The following EYA2 variants were observed in gnomAD, a reference collection of about 807,000 sequenced individuals.
EYA2 encodes the protein protein phosphatase EYA2.
Under a neutral mutation model 69.2 loss-of-function variants are expected in EYA2, and 31 were observed. The ratio of observed to expected loss-of-function variants is 0.45; its 90% CI spans 0.34 to 0.60. The LOEUF is 0.60. EYA2 is among the 20% of genes least tolerant of loss of function. The pLI, the probability that EYA2 is intolerant of heterozygous loss-of-function variation, is 0.02. For missense variants in EYA2, 622 were observed against 701.2 expected, an observed-to-expected ratio of 0.89 and a Z score of 1.28; for synonymous variants, 257 against 279.4, an observed-to-expected ratio of 0.92 and a Z score of 0.80.
At chr20:47,137,250 A>C (rs74434933) in intron 9 of EYA2, among the ~76,000 whole-genome samples, 90 of 152,302 alleles carry the variant, frequency 5.9e-4, no homozygotes, top group African/African-American at 2.1e-3. Context: ...GGTTTCATGT[A>C]AGTGGCATGT....
At chr20:46,971,797 G>A (rs1980163184) in intron 1 of EYA2, among the ~76,000 whole-genome samples, 1 of 152,172 alleles carries the variant, frequency 6.6e-6, no homozygotes, top group Non-Finnish European at 1.5e-5. Flanking sequence ...CTGATAAGTG[G>A]TGCATGCATG....
chr20:47,124,608 A>G (rs1202826243), intron 9 of EYA2, among the ~76,000 whole-genome samples: 1 of 152,086 alleles, frequency 6.6e-6, no homozygotes, highest in African/African-American at 2.4e-5. Flanking sequence ...CCATGTCACC[A>G]CATGCCCCTC....
intron 5 of EYA2, among the ~76,000 whole-genome samples, chr20:47,070,853 T>C (rs1568758900): frequency 1.3e-5 from 2 of 152,222 alleles, no homozygotes; most frequent in Non-Finnish European, 2.9e-5. Flanking sequence ...TTTTATTTTA[T>C]TTACTGTTTT....
At chr20:47,176,896 A>G (rs993126425) in intron 12 of EYA2, among the ~76,000 whole-genome samples, 2 of 151,524 alleles carry the variant, frequency 1.3e-5, no homozygotes, top group African/African-American at 2.4e-5. Flanking sequence ...AGTTCAAGCA[A>G]TTCTCCTGCC....
rs147501198 is a variant in EYA2, at chr20:47,005,209, A to G, written c.298+125A>G. The G allele has an allele frequency of 5.1e-3, 5,648 of 1,100,290 alleles. 24 individuals are homozygous for G. The highest frequency in any genetic ancestry group is 8.7e-3 in the South Asian group (502 of 57,846). 68.2% of individuals were successfully genotyped at this position (1,100,290 alleles called of 1,614,324 possible). ...CCAAGCTGATTTTGGATTAGAGATA[A>G]AGGGAAAAGAGTAACACTTTAAATA... On this transcript the variant is annotated intron_variant, in intron 4 of 15. Transcript: ENST00000327619.
chr20:47,183,674 G>A (rs2034581616), intron 15 of EYA2, among the ~76,000 whole-genome samples: 2 of 152,210 alleles, frequency 1.3e-5, no homozygotes, highest in Non-Finnish European at 2.9e-5. Flanking sequence ...AGGGCAGGCT[G>A]GTGGGGGGCC....
At chr20:47,110,561 C>A (rs1388517579) in intron 9 of EYA2, among the ~76,000 whole-genome samples, 1 of 152,184 alleles carries the variant, frequency 6.6e-6, no homozygotes, top group African/African-American at 2.4e-5. Context: ...CCCTAGTGAT[C>A]CATGTGACTG....
rs116467038 is a variant in EYA2 at position 47,171,697 on chromosome 20, T to C, written c.1038-1010T>C. On this transcript the variant is annotated intron_variant, in intron 11 of 15. Coordinates refer to ENST00000327619, the MANE Select transcript of EYA2 (RefSeq NM_005244.5). ...CTCTTAACAGATCCTCTGTCCATCC[T>C]GGACACTGGTTCCTGCCCTCCCCAA... 5.9e-3 allele frequency among the ~76,000 whole-genome samples: 902 copies of C among 152,290 alleles called. 16 individuals are homozygous for C. The highest frequency in any genetic ancestry group is 0.021 in the African/African-American group (856 of 41,558).
intron 1 of EYA2, among the ~76,000 whole-genome samples, chr20:46,917,494 TGACCACTGGCCCATTGCAAAATGAG>T (rs1984963623): frequency 6.6e-6 from 1 of 152,224 alleles, no homozygotes; most frequent in Non-Finnish European, 1.5e-5. Context: ...AGACAGACTA[TGACCACTGGCCCATTGCAAAATGAG>T]GAAAGCGAAG....
In EYA2 at chr20:47,080,972, A is replaced by G. The variant is rs561412319; in HGVS notation, c.661+6637A>G. Among the ~76,000 whole-genome samples the G allele has an allele frequency of 2.7e-4, 41 of 152,122 alleles. No individual in the cohort carries two copies. In the South Asian group the frequency reaches 6.4e-3, roughly 24 times the overall value. ...AACCTCGAACTCCTGGGCTCAAGCA[A>G]TCCTCCCTCAGCCTCTCAAGTAGTT... On this transcript the variant is annotated intron_variant, in intron 7 of 15. Coordinates refer to ENST00000327619, the MANE Select transcript of EYA2 (RefSeq NM_005244.5).
At chr20:46,926,024 C>G (rs1296433549) in intron 1 of EYA2, among the ~76,000 whole-genome samples, 1 of 152,036 alleles carries the variant, frequency 6.6e-6, no homozygotes, top group African/African-American at 2.4e-5. Flanking sequence ...GATAAAAACC[C>G]CTGGAAAAAT....
intron 4 of EYA2, among the ~76,000 whole-genome samples, chr20:47,015,596 A>G (rs1168298382): frequency 6.6e-6 from 1 of 152,202 alleles, no homozygotes; most frequent in Non-Finnish European, 1.5e-5. Flanking sequence ...GCTGGCAGGT[A>G]GCATGAAGCT....
intron 10 of EYA2, among the ~76,000 whole-genome samples, chr20:47,158,344 C>T (rs1426291917): frequency 6.6e-6 from 1 of 151,832 alleles, no homozygotes. Flanking sequence ...GATGAAACCC[C>T]ATCTCTACTA....
rs192479865 is a variant in EYA2 at position 47,156,165 on chromosome 20, T to C, written c.979-12974T>C. ...ATATATATATATATATATATATATA[T>C]ATATATATATATATATATATTAGCC... is the stretch of plus-strand genomic sequence containing the variant. On this transcript the variant is annotated intron_variant, in intron 10 of 15. Transcript: ENST00000327619. 1.8e-3 allele frequency among the ~76,000 whole-genome samples: 69 copies of C among 38,510 alleles called. 4 individuals are homozygous for C. The highest frequency in any genetic ancestry group is 8.2e-3 in the South Asian group (9 of 1,102). 25.3% of individuals were successfully genotyped at this position (38,510 alleles called of 152,430 possible).
intron 2 of EYA2, among the ~76,000 whole-genome samples, chr20:46,991,281 CAG>C (rs1491338226): frequency 6.6e-6 from 1 of 152,226 alleles, no homozygotes; most frequent in Non-Finnish European, 1.5e-5. Flanking sequence ...ATAGGCTGCT[CAG>C]GGGGGAATCC....
chr20:46,964,430 G>A (rs928883222), intron 1 of EYA2, among the ~76,000 whole-genome samples: 1 of 152,178 alleles, frequency 6.6e-6, no homozygotes, highest in African/African-American at 2.4e-5. Context: ...GTAGCACCTG[G>A]CACACAGAGG....
intron 1 of EYA2, among the ~76,000 whole-genome samples, chr20:46,902,118 G>A (rs888883879): frequency 6.6e-6 from 1 of 152,188 alleles, no homozygotes; most frequent in East Asian, 1.9e-4. Context: ...TTTTGAGGGG[G>A]AAGCACAGAG....
intron 10 of EYA2, 149 bp from the exon 11 acceptor site, chr20:47,168,990 T>G: frequency 3.0e-6 from 2 of 668,450 alleles, no homozygotes; most frequent in Non-Finnish European, 5.3e-6. Flanking sequence ...TAACCTTGAG[T>G]ATCCAAATCC....
At chr20:47,138,803 A>G (rs971929242) in intron 9 of EYA2, among the ~76,000 whole-genome samples, 47 of 152,110 alleles carry the variant, frequency 3.1e-4, no homozygotes, top group African/African-American at 1.1e-3. Context: ...CACTTTGACC[A>G]TCACTTTTAA....
Sources: allele counts gnomAD v4.1 joint callset (sites outside exome capture counted in the v4.1 genomes callset), GRCh38; gene constraint gnomAD v4.1.1; transcripts MANE v1.5; gene names NCBI Gene and HGNC (gene_info 2026-07-23, HGNC 2026-07-21).